PLCH2: variants seen among roughly 807,000 people sequenced by gnomAD.
PLCH2 encodes phospholipase C eta 2, also known as 1-phosphatidylinositol 4,5-bisphosphate phosphodiesterase eta-2.
PLCH2 carries 98 observed loss-of-function variants against 134.7 expected under a neutral mutation model. The ratio of observed to expected loss-of-function variants is 0.73; its 90% CI spans 0.62 to 0.86. The LOEUF (loss-of-function observed/expected upper bound fraction) is 0.86. Ranked by LOEUF, PLCH2 falls within the 40% of genes least tolerant of loss-of-function variation. PLCH2 has a pLI of 0.00. For missense variants in PLCH2, 1,994 were observed against 1,986.6 expected, an observed-to-expected ratio of 1.00 and a Z score of -0.07; for synonymous variants, 974 against 827.5, an observed-to-expected ratio of 1.18 and a Z score of -3.04.
rs1330344572 is a variant in PLCH2, at chr1:2,496,597, C to T, written c.1836-10C>T. 2.5e-6 allele frequency: 4 copies of T among 1,606,054 alleles called. No homozygotes were observed. The Admixed American group carries it at 5.1e-5, about 20-fold the overall frequency. ...ACGGGAGGGGTTCTGACCCCCTGCA[C>T]CTGCCACAGGGCGACCCGGCAGAAG... On this transcript the variant is annotated splice_polypyrimidine_tract_variant and intron_variant, in intron 13 of 21. Transcript: ENST00000378486.
chr1:2,503,008 TGTGCTC>T (rs778697539), intron 21 of PLCH2: 24 of 715,530 alleles, frequency 3.4e-5, no homozygotes, highest in African/African-American at 1.2e-4. Context: ...TGTCGCCTCG[TGTGCTC>T]GTGCTCGTGG....
rs558470602 is a variant in PLCH2, at chr1:2,481,553, C to T, written c.645+1241C>T. On this transcript the variant is annotated intron_variant, in intron 4 of 21. Transcript: ENST00000378486. ...GCCTCTGAGTGGGAGGAGACAGATG[C>T]CCCTCACTGAATCCAGCACGAGTGT... Among the ~76,000 whole-genome samples, 20 of 152,346 alleles carry T rather than the reference C, an allele frequency of 1.3e-4. No individual in the cohort carries two copies. In the South Asian group the frequency reaches 3.9e-3, roughly 30 times the overall value.
intron 19 of PLCH2, 53 bp from the exon 20 acceptor site, chr1:2,499,587 TG>T: frequency 7.5e-7 from 1 of 1,327,564 alleles, no homozygotes; most frequent in Non-Finnish European, 1.1e-6. Context: ...GCAGAGCAGG[TG>T]GGGGCCCTGG....
At chr1:2,447,874 C>T (rs373141089) in intron 2 of PLCH2, among the ~76,000 whole-genome samples, 15 of 152,296 alleles carry the variant, frequency 9.8e-5, no homozygotes, top group African/African-American at 3.1e-4. Context: ...ATGTGCTCTG[C>T]GGCAAGGCCT....
intron 1 of PLCH2, among the ~76,000 whole-genome samples, chr1:2,477,073 G>A (rs972814649): frequency 3.3e-5 from 5 of 152,310 alleles, no homozygotes; most frequent in Non-Finnish European, 7.4e-5. Context: ...CTGGCATCCT[G>A]GTGCCGGACA....
chr1:2,461,430 G>A (rs1640796359), intron 2 of PLCH2, among the ~76,000 whole-genome samples: 4 of 152,168 alleles, frequency 2.6e-5, no homozygotes, highest in East Asian at 1.9e-4. Flanking sequence ...CTAGCAGGGC[G>A]GGCTGAGCTC....
chr1:2,476,778 G>T lies in PLCH2; in HGVS notation c.124+66G>T, dbSNP rs538487363. On this transcript the variant is annotated intron_variant, in intron 1 of 21. Transcript: ENST00000378486. ...CCTGGCCAGGTGACTGGTGGGTGGG[G>T]GCTGTTCCTGGAGGTGGGGGAAGCC... The T allele has an allele frequency of 4.0e-6, 6 of 1,486,226 alleles. No homozygotes were observed. The African/African-American group carries it at 4.2e-5, about 10-fold the overall frequency. 92.1% of individuals were successfully genotyped at this position (1,486,226 alleles called of 1,614,324 possible).
chr1:2,436,393 CA>C (rs1639383789), intron 2 of PLCH2, among the ~76,000 whole-genome samples: 3 of 84,192 alleles, frequency 3.6e-5, no homozygotes, highest in African/African-American at 1.2e-4. Context: ...TTCCTCCCTC[CA>C]CCTTTCCTCC....
chr1:2,470,670 T>G (rs1185770157), intron 1 of PLCH2, among the ~76,000 whole-genome samples: 1 of 152,114 alleles, frequency 6.6e-6, no homozygotes, highest in Non-Finnish European at 1.5e-5. Context: ...CTCCCGCGCC[T>G]GGCTATGGGC....
chr1:2,478,436 G>C (rs373895609), intron 1 of PLCH2, 40 bp from the exon 2 acceptor site: 1 of 1,605,980 alleles, frequency 6.2e-7, no homozygotes, highest in Admixed American at 1.7e-5. Flanking sequence ...GCGAGGAGTG[G>C]CTGTGCCTCC....
At chr1:2,471,721 C>T (rs922040255), upstream of PLCH2, among the ~76,000 whole-genome samples, 5 of 152,158 alleles carry the variant, frequency 3.3e-5, no homozygotes, top group Admixed American at 6.5e-5. Flanking sequence ...GGCTGGCCAT[C>T]GAGAACCTGT....
intron 10 of PLCH2, among the ~76,000 whole-genome samples, chr1:2,490,317 G>A (rs1403603601): frequency 6.6e-6 from 1 of 152,184 alleles, no homozygotes; most frequent in African/African-American, 2.4e-5. Flanking sequence ...CACCCCCGTG[G>A]CCAGTGCTGG....
chr1:2,426,746 C>A (rs1489235927), intron 1 of PLCH2, among the ~76,000 whole-genome samples: 1 of 152,242 alleles, frequency 6.6e-6, no homozygotes, highest in African/African-American at 2.4e-5. Flanking sequence ...CCTCGCACTT[C>A]CTGACACGGT....
chr1:2,482,781 T>C (rs1391799694), intron 4 of PLCH2, among the ~76,000 whole-genome samples: 2 of 152,146 alleles, frequency 1.3e-5, no homozygotes, highest in Admixed American at 6.5e-5. Context: ...TGGTCCCCAG[T>C]GGCAGGCTGG....
chr1:2,501,017 G>GC (rs1330655021), intron 20 of PLCH2: 1 of 151,388 alleles, frequency 6.6e-6, no homozygotes, highest in Non-Finnish European at 1.5e-5. Flanking sequence ...TGCCAACCAT[G>GC]CCAGTGCATG....
Position 2,505,523 on chromosome 1 carries a change from T to G in PLCH2, c.*310T>G, listed in dbSNP as rs1227674561. 2 of 400,350 alleles carry G rather than the reference T, an allele frequency of 5.0e-6. No individual in the cohort carries two copies. The highest frequency in any genetic ancestry group is 6.6e-4 in the Middle Eastern group (1 of 1,514). The allele number at this position is 400,350 out of a possible 1,614,324, so 24.8% of individuals were successfully genotyped here. On this transcript the variant is annotated 3_prime_UTR_variant, in exon 22 of 22. Transcript: ENST00000378486. ...TATACAACATTAAAATGATACCAAGTCCCTTTCCATTTTTACCTGGTTTTT... is the reference window on the plus strand; with the variant it reads ...TATACAACATTAAAATGATACCAAGGCCCTTTCCATTTTTACCTGGTTTTT...
chr1:2,431,550 G>A (rs1639072867), intron 2 of PLCH2, among the ~76,000 whole-genome samples: 1 of 152,326 alleles, frequency 6.6e-6, no homozygotes, highest in African/African-American at 2.4e-5. Context: ...CCAGATGGGG[G>A]AGGGGAGCAA....
At chr1:2,420,533 A>G in the PLCH2 span, among the ~76,000 whole-genome samples, 2 of 152,078 alleles carry the variant, frequency 1.3e-5, no homozygotes, top group Non-Finnish European at 2.9e-5. Context: ...CCGGAGCTGG[A>G]CCACAGGAAG....
rs1350534100 is a variant in PLCH2 at position 2,498,636 on chromosome 1, G to A, written c.2338G>A (p.Asp780Asn). The stretch of plus-strand genomic sequence containing the variant: ...CAAGCCGCGCGACTCCATGCTGGGG[G>A]ACCGTGGGGAGGTGGGGGCCAGCCC... ...LPKPRDSMLG[D>N]RGEIIDPFVE... Residue 780 changes from aspartate to asparagine, a missense_variant, in exon 17 of 22, where the codon GAC (aspartate) becomes AAC (asparagine). This residue lies in a region of PLCH2 where 1,094 missense variants were observed against 1,234.3 expected (regional missense o/e 0.89). Transcript: ENST00000378486. This position sits in a 1 kb window ranked among gnomAD's most constrained non-coding sequence, Gnocchi z 5.4. 1.0e-5 allele frequency: 16 copies of A among 1,551,414 alleles called. No individual in the cohort carries two copies. The highest frequency in any genetic ancestry group is 1.3e-5 in the Non-Finnish European group (15 of 1,149,174).
Sources: gnomAD v4.1 joint callset for allele counts (sites outside exome capture counted in the v4.1 genomes callset) on GRCh38, gnomAD v4.1.1 for gene constraint, gnomAD v4.1.1 regional missense constraint, Gnocchi (gnomAD v3.1) non-coding constraint, MANE v1.5 for transcripts, NCBI Gene and HGNC (gene_info 2026-07-23, HGNC 2026-07-21) for gene names.